GSAP: variants seen among roughly 807,000 people sequenced by gnomAD.
The protein encoded by GSAP is gamma-secretase-activating protein.
Under a neutral mutation model 131.7 loss-of-function variants are expected in GSAP, and 118 were observed. The observed-to-expected ratio is 0.90, with a 90% CI of 0.77 to 1.04. The LOEUF is 1.04. GSAP is among the 50% of genes least tolerant of loss of function. GSAP has a pLI of 0.00. For missense variants in GSAP, 1,019 were observed against 1,013.2 expected, an observed-to-expected ratio of 1.01 and a Z score of -0.08; for synonymous variants, 381 against 363.4, an observed-to-expected ratio of 1.05 and a Z score of -0.55.
chr7:77,357,103 TC>T (rs1454960321), intron 14 of GSAP, among the ~76,000 whole-genome samples: 2 of 152,228 alleles, frequency 1.3e-5, no homozygotes, highest in African/African-American at 4.8e-5. Context: ...TGGCACTATG[TC>T]CGTGGGGTGG....
intron 19 of GSAP, among the ~76,000 whole-genome samples, chr7:77,333,649 GTCTAAAGACT>G: frequency 6.6e-6 from 1 of 152,294 alleles, no homozygotes; most frequent in African/African-American, 2.4e-5. Context: ...ATCACCAGCT[GTCTAAAGACT>G]TCTGATTGTG....
At chr7:77,402,423 T>C (rs868144479) in intron 3 of GSAP, among the ~76,000 whole-genome samples, 268 of 142,636 alleles carry the variant, frequency 1.9e-3, no homozygotes, top group African/African-American at 5.8e-3. Flanking sequence ...TATATATATA[T>C]ACACACACAC....
rs369228706 is a variant in GSAP, at chr7:77,388,597, C to T, written c.368-1149G>A. On this transcript the variant is annotated intron_variant, in intron 5 of 30. Coordinates refer to ENST00000257626, the MANE Select transcript of GSAP (RefSeq NM_017439.4). ...TACACCGTAGAAAAGAAGGACTGGC[C>T]TTATATTTGAGCTTTTATTGAGACT... Among the ~76,000 whole-genome samples the T allele has an allele frequency of 1.0e-3, 157 of 152,278 alleles. 2 individuals are homozygous for T. Among genetic ancestry groups the T allele is most frequent in the Non-Finnish European group, 1.3e-3 (88 of 68,020 alleles).
intron 3 of GSAP, among the ~76,000 whole-genome samples, chr7:77,400,696 T>C (rs1458710716): frequency 6.6e-6 from 1 of 152,054 alleles, no homozygotes; most frequent in Non-Finnish European, 1.5e-5. Flanking sequence ...TAACATACAA[T>C]AGAAAACCTC....
rs1239579707 is a variant in GSAP at position 77,349,413 on chromosome 7, G to A, written c.1492-9C>T. 2 of 1,610,270 alleles carry A rather than the reference G, an allele frequency of 1.2e-6. No homozygotes were observed. The highest frequency in any genetic ancestry group is 2.7e-5 in the African/African-American group (2 of 74,830). ...GTTATTCCAGGAATTTCCTATAGTGGGGAAAAACACACACACACAGCTGCT... is the reference window on the plus strand; with the variant it reads ...GTTATTCCAGGAATTTCCTATAGTGAGGAAAAACACACACACACAGCTGCT... On this transcript the variant is annotated splice_polypyrimidine_tract_variant and intron_variant, in intron 18 of 30. Transcript: ENST00000257626.
chr7:77,412,299 T>C (rs1051672010), intron 1 of GSAP, among the ~76,000 whole-genome samples: 1 of 152,208 alleles, frequency 6.6e-6, no homozygotes, highest in Non-Finnish European at 1.5e-5. Flanking sequence ...TGATTGATAA[T>C]ATTGAAACAA....
intron 19 of GSAP, chr7:77,330,571 CTCTT>C (rs1480382515): frequency 9.6e-5 from 90 of 934,186 alleles, no homozygotes; most frequent in Non-Finnish European, 1.1e-4. Context: ...CATTTTCTGT[CTCTT>C]TTTTTTTTTT....
At chr7:77,357,156 T>C (rs1793875488) in intron 14 of GSAP, among the ~76,000 whole-genome samples, 1 of 152,162 alleles carries the variant, frequency 6.6e-6, no homozygotes, top group Non-Finnish European at 1.5e-5. Context: ...GTTGTTAACA[T>C]CATTGAGGTA....
intron 16 of GSAP, among the ~76,000 whole-genome samples, chr7:77,354,598 C>A (rs973980696): frequency 6.6e-6 from 1 of 151,658 alleles, no homozygotes; most frequent in African/African-American, 2.4e-5. Context: ...TTAGCAGATG[C>A]ACAAAGAAAG....
chr7:77,353,100 C>T (rs992771432), intron 17 of GSAP, 74 bp from the exon 18 acceptor site: 17 of 790,290 alleles, frequency 2.2e-5, no homozygotes, highest in East Asian at 1.5e-4. Context: ...TGTAATGCAA[C>T]CAAAACACGC....
At chr7:77,375,225 C>T in intron 10 of GSAP, 124 bp from the exon 11 acceptor site, 1 of 577,452 alleles carries the variant, frequency 1.7e-6, no homozygotes, top group Non-Finnish European at 3.1e-6. Flanking sequence ...ATTTAACCAT[C>T]ATTGTCTTCA....
intron 5 of GSAP, among the ~76,000 whole-genome samples, chr7:77,390,188 T>G (rs1799249869): frequency 1.3e-5 from 2 of 152,184 alleles, no homozygotes; most frequent in African/African-American, 4.8e-5. Context: ...ATATTAGCCC[T>G]TTGTCAGATG....
chr7:77,388,598 T>C (rs936234964), intron 5 of GSAP, among the ~76,000 whole-genome samples: 1 of 152,366 alleles, frequency 6.6e-6, no homozygotes, highest in Middle Eastern at 3.4e-3. Flanking sequence ...AGGACTGGCC[T>C]TATATTTGAG....
At chr7:77,368,927 G>C (rs574368729) in intron 12 of GSAP, among the ~76,000 whole-genome samples, 1 of 152,302 alleles carries the variant, frequency 6.6e-6, no homozygotes, top group African/African-American at 2.4e-5. Context: ...TGTATCCAGA[G>C]ATGTTTAATG....
chr7:77,400,691 T>C (rs1178870394), intron 3 of GSAP, among the ~76,000 whole-genome samples: 2 of 152,084 alleles, frequency 1.3e-5, no homozygotes, highest in Non-Finnish European at 2.9e-5. Context: ...ATGTCTAACA[T>C]ACAATAGAAA....
chr7:77,320,510 C>T (rs977315372), intron 26 of GSAP, among the ~76,000 whole-genome samples: 4 of 152,102 alleles, frequency 2.6e-5, no homozygotes, highest in African/African-American at 9.7e-5. Flanking sequence ...AGCCTAGGTT[C>T]CCTAAAGTTA....
Position 77,375,062 on chromosome 7 carries a change from A to T in GSAP, c.781T>A (p.Phe261Ile). 6.6e-7 allele frequency: 1 copy of T among 1,509,380 alleles called. No homozygotes were observed. Among genetic ancestry groups the T allele is most frequent in the Non-Finnish European group, 9.1e-7 (1 of 1,092,922 alleles). 93.5% of individuals were successfully genotyped at this position (1,509,380 alleles called of 1,614,324 possible). A position where few individuals can be genotyped will look rare whatever the true frequency, so the allele number is the denominator to read the frequency against. Residue 261 changes from phenylalanine to isoleucine, a missense_variant, in exon 11 of 31, where the codon TTT becomes ATT. Coordinates refer to ENST00000257626, the MANE Select transcript of GSAP (RefSeq NM_017439.4). ...AACAACCTATGAATAACTTACTTAA[A>T]TCCTGAGTTGCTTAATGATATGTCC... is the stretch of plus-strand genomic sequence containing the variant. ...PLDISLSNSGFKLVNFGCDYH... is the reference protein window; with the variant it reads ...PLDISLSNSGIKLVNFGCDYH...
chr7:77,409,095 T>C (rs1294367465), intron 1 of GSAP, among the ~76,000 whole-genome samples: 2 of 152,196 alleles, frequency 1.3e-5, no homozygotes, highest in African/African-American at 4.8e-5. Flanking sequence ...CGTTTGTCAG[T>C]ATATTGACAT....
rs572036911 is a variant in GSAP, at chr7:77,351,178, G to A, written c.1491+1766C>T. The A allele has an allele frequency of 3.5e-5, 34 of 982,198 alleles. No individual in the cohort carries two copies. The South Asian group carries it at 5.2e-4, about 15-fold the overall frequency. 60.8% of individuals were successfully genotyped at this position (982,198 alleles called of 1,614,324 possible). A position where few individuals can be genotyped will look rare whatever the true frequency, so the allele number is the denominator to read the frequency against. The stretch of plus-strand genomic sequence containing the variant: ...TTCTTCAATGTGACAGTTGAAAGCC[G>A]TGATAAGAATCTATTGTGTGCTTCA... On this transcript the variant is annotated intron_variant, in intron 18 of 30. Coordinates refer to ENST00000257626, the MANE Select transcript of GSAP (RefSeq NM_017439.4).
Sources: allele counts gnomAD v4.1 joint callset (sites outside exome capture counted in the v4.1 genomes callset), GRCh38; gene constraint gnomAD v4.1.1; transcripts MANE v1.5; gene names NCBI Gene and HGNC (gene_info 2026-07-23, HGNC 2026-07-21).